Variants in SNTG1 observed in about 807,000 individuals in gnomAD.
SNTG1 encodes the protein gamma-1-syntrophin.
A neutral mutation model predicts 74.7 loss-of-function variants in SNTG1; 39 were observed. That is an observed-to-expected ratio of 0.52 (90% CI 0.40 to 0.68). SNTG1 has a LOEUF of 0.68. Among genes scored for constraint, SNTG1 ranks in the 30% least tolerant of loss-of-function variants. SNTG1 has a pLI of 0.00. For synonymous variants in SNTG1, 254 were observed against 217.1 expected (o/e 1.17, Z -1.49); for missense variants, 685 against 609.5 (o/e 1.12, Z -1.30).
intron 2 of SNTG1, among the ~76,000 whole-genome samples, chr8:50,299,952 G>A (rs1052989763): frequency 1.3e-5 from 2 of 152,092 alleles, no homozygotes; most frequent in Non-Finnish European, 2.9e-5. Flanking sequence ...TAGGGTAGTT[G>A]TAAAGACTAA....
chr8:50,242,862 T>C (rs573476278), intron 2 of SNTG1, among the ~76,000 whole-genome samples: 59 of 151,762 alleles, frequency 3.9e-4, no homozygotes, highest in African/African-American at 1.3e-3. Flanking sequence ...TACTACCTTT[T>C]ATTTATTTAT....
intron 8 of SNTG1, among the ~76,000 whole-genome samples, chr8:50,460,301 C>T (rs1464353930): frequency 6.6e-6 from 1 of 152,106 alleles, no homozygotes; most frequent in Non-Finnish European, 1.5e-5. Context: ...AGTGTCTGTT[C>T]ATGTCTTTTG....
intron 1 of SNTG1, among the ~76,000 whole-genome samples, chr8:49,946,491 A>G (rs545808414): frequency 6.6e-6 from 1 of 152,310 alleles, no homozygotes; most frequent in Admixed American, 6.5e-5. Flanking sequence ...AACATTTTAA[A>G]TATTTGAAAG....
chr8:50,499,670 T>A (rs1052239011), intron 8 of SNTG1, among the ~76,000 whole-genome samples: 7 of 151,896 alleles, frequency 4.6e-5, no homozygotes, highest in Non-Finnish European at 8.8e-5. Flanking sequence ...TGTAGGTTTT[T>A]TTTTTATAGC....
At chr8:50,214,900 G>A (rs1008720164) in intron 2 of SNTG1, among the ~76,000 whole-genome samples, 2 of 152,192 alleles carry the variant, frequency 1.3e-5, no homozygotes, top group Non-Finnish European at 2.9e-5. Flanking sequence ...GAAGCAAGGG[G>A]AAACTGTCTC....
chr8:50,551,628 A>C (rs2094427416), intron 11 of SNTG1, among the ~76,000 whole-genome samples: 1 of 152,190 alleles, frequency 6.6e-6, no homozygotes, highest in East Asian at 1.9e-4. Context: ...TATACATCAG[A>C]ATTAAAGCTA....
chr8:50,415,775 T>A (rs2093006309), intron 4 of SNTG1, among the ~76,000 whole-genome samples: 1 of 152,240 alleles, frequency 6.6e-6, no homozygotes, highest in Admixed American at 6.5e-5. Flanking sequence ...TTTAAAAAAA[T>A]TAATAATAAA....
At chr8:50,012,469 A>C (rs2130586040) in intron 1 of SNTG1, among the ~76,000 whole-genome samples, 1 of 152,300 alleles carries the variant, frequency 6.6e-6, no homozygotes, top group African/African-American at 2.4e-5. Flanking sequence ...ACAAACTTAA[A>C]AATTTCAGAG....
At chr8:50,147,821 C>T (rs1385129417) in intron 1 of SNTG1, among the ~76,000 whole-genome samples, 1 of 152,180 alleles carries the variant, frequency 6.6e-6, no homozygotes, top group African/African-American at 2.4e-5. Flanking sequence ...ACTGTAATTC[C>T]AGTAACCATA....
intron 2 of SNTG1, among the ~76,000 whole-genome samples, chr8:50,240,475 C>T (rs552434250): frequency 6.6e-6 from 1 of 152,208 alleles, no homozygotes; most frequent in East Asian, 1.9e-4. Flanking sequence ...TTTTACGAAC[C>T]ATCATGAATC....
In SNTG1 at chr8:50,011,625, T is replaced by TA. The variant is rs34138423; in HGVS notation, c.-103+99407dup. Among the ~76,000 whole-genome samples the TA allele has an allele frequency of 8.9e-3, 1,320 of 149,070 alleles. 22 individuals are homozygous for TA. Among genetic ancestry groups the TA allele is most frequent in the African/African-American group, 0.03 (1,207 of 40,246 alleles). On this transcript the variant is annotated intron_variant, in intron 1 of 18. Transcript: ENST00000642720. ...CCAGGTCACTATCCCAAGGTGAAAT[T>TA]AAAAAAAAAAAAAGATCTTTTGAGC...
intron 15 of SNTG1, among the ~76,000 whole-genome samples, chr8:50,663,239 G>A (rs2095233986): frequency 6.6e-6 from 1 of 152,148 alleles, no homozygotes; most frequent in East Asian, 1.9e-4. Flanking sequence ...TATGAGGTTG[G>A]TGTTGGTGTT....
At chr8:50,058,163 A>G (rs203957) in intron 1 of SNTG1, among the ~76,000 whole-genome samples, 133,200 of 152,120 alleles carry the variant, frequency 0.88, 58,413 homozygotes, top group East Asian at 0.99. Flanking sequence ...AGACTCTGAG[A>G]GGTTGGGGGG....
chr8:50,357,997 C>T (rs78976237), intron 2 of SNTG1, among the ~76,000 whole-genome samples: 9,059 of 151,916 alleles, frequency 0.06, 309 homozygotes, highest in Non-Finnish European at 0.071. Context: ...CTATTTCCTT[C>T]TTATTTTTTA....
At position 50,584,557 on chromosome 8, in the gene SNTG1, G is replaced by A. The variant is rs534720569; in HGVS notation, c.811-6322G>A. ...ACACGGTGTTTCGCACTGTCTCCTG[G>A]GCTGGAGTGCAGTGGTGCGTTCTCG... On this transcript the variant is annotated intron_variant, in intron 12 of 18. Coordinates refer to ENST00000642720, the MANE Select transcript of SNTG1 (RefSeq NM_018967.5). Among the ~76,000 whole-genome samples the A allele has an allele frequency of 3.4e-5, 5 of 146,188 alleles. No homozygotes were observed. In the South Asian group the frequency reaches 1.1e-3, roughly 32 times the overall value.
intron 3 of SNTG1, among the ~76,000 whole-genome samples, chr8:50,396,451 C>A (rs1360354706): frequency 6.6e-6 from 1 of 152,146 alleles, no homozygotes; most frequent in Non-Finnish European, 1.5e-5. Context: ...AGGAAAAGGC[C>A]ATGATCAAAA....
At chr8:50,570,226 T>TTTTTTTTTTA (rs1292746908) in intron 12 of SNTG1, among the ~76,000 whole-genome samples, 45 of 46,848 alleles carry the variant, frequency 9.6e-4, no homozygotes, top group African/African-American at 2.2e-3. Context: ...GGTGGTTCTA[T>TTTTTTTTTTA]TTTTATTTTA....
chr8:50,481,050 C>T (rs1342639062), intron 8 of SNTG1, among the ~76,000 whole-genome samples: 1 of 152,124 alleles, frequency 6.6e-6, no homozygotes, highest in Admixed American at 6.5e-5. Context: ...GCAGCACCCA[C>T]AAAACAAGGC....
In SNTG1 at chr8:50,567,265, C is replaced by A. The variant is rs182934968; in HGVS notation, c.810+14086C>A. On this transcript the variant is annotated intron_variant, in intron 12 of 18. Coordinates refer to ENST00000642720, the MANE Select transcript of SNTG1 (RefSeq NM_018967.5). ...ATGCTAACCTCCCTTTCAGCTAGCA[C>A]TTCATGAATCAATCCTTCCCAATTA... Among the ~76,000 whole-genome samples the A allele has an allele frequency of 8.6e-4, 131 of 152,186 alleles. 1 individual carries two copies. Among genetic ancestry groups the A allele is most frequent in the African/African-American group, 3.1e-3 (128 of 41,564 alleles).
Sources: allele counts gnomAD v4.1 joint callset (sites outside exome capture counted in the v4.1 genomes callset), GRCh38; gene constraint gnomAD v4.1.1; transcripts MANE v1.5; gene names NCBI Gene and HGNC (gene_info 2026-07-23, HGNC 2026-07-21).